The following DPYSL2 variants were observed in gnomAD, a reference collection of about 807,000 sequenced individuals.
DPYSL2 encodes the protein dihydropyrimidinase-related protein 2.
Under a neutral mutation model 69.9 loss-of-function variants are expected in DPYSL2, and 13 were observed. That is an observed-to-expected ratio of 0.19 (90% CI 0.12 to 0.30). The LOEUF is 0.30. DPYSL2 is among the 10% of genes least tolerant of loss of function. The pLI, the probability that DPYSL2 is intolerant of heterozygous loss-of-function variation, is 1.00. For missense variants in DPYSL2, 587 were observed against 918.9 expected (o/e 0.64, Z 4.67); for synonymous variants, 326 against 359.1 (o/e 0.91, Z 1.04).
chr8:26,556,132 ATAC>A (rs1563384844), intron 1 of DPYSL2, among the ~76,000 whole-genome samples: 221 of 2,980 alleles, frequency 0.074, 44 homozygotes, highest in East Asian at 0.17. Context: ...TATATTATAT[ATAC>A]TATATATAGT....
At chr8:26,559,984 C>G (rs569373977) in intron 1 of DPYSL2, among the ~76,000 whole-genome samples, 1 of 152,352 alleles carries the variant, frequency 6.6e-6, no homozygotes, top group East Asian at 1.9e-4. Context: ...GTTCCCATCT[C>G]ATTATGCTGA....
At chr8:26,559,592 G>A (rs62492720) in intron 1 of DPYSL2, among the ~76,000 whole-genome samples, 14,925 of 151,768 alleles carry the variant, frequency 0.098, 822 homozygotes, top group Non-Finnish European at 0.12. Flanking sequence ...CTTTTTTTAT[G>A]AGTGGCTGGT....
chr8:26,543,762 C>T (rs1212349353), intron 1 of DPYSL2, among the ~76,000 whole-genome samples: 1 of 152,240 alleles, frequency 6.6e-6, no homozygotes, highest in Non-Finnish European at 1.5e-5. Flanking sequence ...GCTGGGATTA[C>T]AGGCGTGAGC....
At chr8:26,634,936 G>A (rs1802873117) in intron 8 of DPYSL2, 36 bp downstream of exon 8, 4 of 1,612,468 alleles carry the variant, frequency 2.5e-6, no homozygotes, top group Non-Finnish European at 3.4e-6. Context: ...ATGGCAGGTG[G>A]GGAGGTTTGG....
intron 11 of DPYSL2, among the ~76,000 whole-genome samples, chr8:26,651,625 C>T (rs549093519): frequency 2.0e-5 from 3 of 152,324 alleles, no homozygotes; most frequent in African/African-American, 7.2e-5. Context: ...CATATGGAGA[C>T]CCCACCTATT....
At chr8:26,629,675 G>T (rs1415351658) in intron 7 of DPYSL2, among the ~76,000 whole-genome samples, 1 of 152,268 alleles carries the variant, frequency 6.6e-6, no homozygotes, top group African/African-American at 2.4e-5. Flanking sequence ...GACAGTGATT[G>T]CAGGGGACAG....
intron 1 of DPYSL2, among the ~76,000 whole-genome samples, chr8:26,552,307 A>G (rs1340292074): frequency 6.6e-6 from 1 of 152,242 alleles, no homozygotes; most frequent in Non-Finnish European, 1.5e-5. Flanking sequence ...TAATATCAAT[A>G]ATCTAAACTT....
At chr8:26,529,303 C>CT (rs767380603) in intron 1 of DPYSL2, among the ~76,000 whole-genome samples, 1,823 of 147,408 alleles carry the variant, frequency 0.012, 49 homozygotes, top group African/African-American at 0.043. Flanking sequence ...ATCTATCTAT[C>CT]ATCTATCTAT....
rs7001738 is a variant in DPYSL2, at chr8:26,598,284, T to C, written c.628+14301T>C. On this transcript the variant is annotated intron_variant, in intron 3 of 13. Coordinates refer to ENST00000521913, the MANE Select transcript of DPYSL2 (RefSeq NM_001197293.3). The surrounding 1 kb of genome is among the most constrained non-coding windows in gnomAD (Gnocchi z 4.2). ...TCGCATTACATCATCTACCTTTTCT[T>C]GTGTTCTTCTGTCGTCGAGAATCAA... Among the ~76,000 whole-genome samples the C allele has an allele frequency of 0.063, 9,606 of 152,286 alleles. 673 individuals are homozygous for C. Among genetic ancestry groups the C allele is most frequent in the African/African-American group, 0.17 (7,235 of 41,522 alleles).
Position 26,656,343 on chromosome 8 carries a change from A to C in DPYSL2, c.*637A>C, listed in dbSNP as rs563677297. The C allele has an allele frequency of 2.0e-5, 3 of 152,528 alleles. No homozygotes were observed. In the South Asian group the frequency reaches 6.2e-4, roughly 32 times the overall value. 9.4% of individuals were successfully genotyped at this position (152,528 alleles called of 1,614,324 possible). On this transcript the variant is annotated 3_prime_UTR_variant, in exon 14 of 14. Coordinates refer to ENST00000521913, the MANE Select transcript of DPYSL2 (RefSeq NM_001197293.3). Reference sequence around the variant, plus strand: ...GAGAGGCTCCACAATGCCCACCCGCATCGCCATTCTGTAGTCTTCAGGGTC... The same window carrying C: ...GAGAGGCTCCACAATGCCCACCCGCCTCGCCATTCTGTAGTCTTCAGGGTC...
chr8:26,514,281 A>AGACG lies in DPYSL2; in HGVS notation c.-31_-28dup, dbSNP rs903774152. On this transcript the variant is annotated 5_prime_UTR_variant, in exon 1 of 14. Transcript: ENST00000521913. This position sits in a 1 kb window ranked among gnomAD's most constrained non-coding sequence, Gnocchi z 8.4. The stretch of plus-strand genomic sequence containing the variant: ...CAGCGAGGGAGACTTAGGGACTGGC[A>AGACG]GACGGACGGACGGACGGCGAGGACC... 8 of 1,407,202 alleles carry AGACG rather than the reference A, an allele frequency of 5.7e-6. No homozygotes were observed. The highest frequency in any genetic ancestry group is 5.9e-5 in the Admixed American group (2 of 33,918). The allele number at this position is 1,407,202 out of a possible 1,614,324, so 87.2% of individuals were successfully genotyped here. A position where few individuals can be genotyped will look rare whatever the true frequency, so the allele number is the denominator to read the frequency against.
intron 11 of DPYSL2, among the ~76,000 whole-genome samples, chr8:26,649,777 C>T (rs565218368): frequency 6.6e-6 from 1 of 152,102 alleles, no homozygotes; most frequent in African/African-American, 2.4e-5. Flanking sequence ...TTTTAGGGAG[C>T]CTGTGTGGAT....
chr8:26,561,265 C>T (rs1342279902), intron 1 of DPYSL2, among the ~76,000 whole-genome samples: 1 of 152,166 alleles, frequency 6.6e-6, no homozygotes, highest in Non-Finnish European at 1.5e-5. Flanking sequence ...TCTCTGGCCA[C>T]TCCTGAGTCT....
intron 1 of DPYSL2, among the ~76,000 whole-genome samples, chr8:26,538,707 C>T (rs1356858894): frequency 6.6e-6 from 1 of 152,248 alleles, no homozygotes; most frequent in East Asian, 1.9e-4. Flanking sequence ...CCCACAATCA[C>T]GTGCATGCTC....
chr8:26,578,424 G>A, intron 1 of DPYSL2: 1 of 1,545,354 alleles, frequency 6.5e-7, no homozygotes, highest in South Asian at 1.2e-5. Flanking sequence ...TGCTAACGGA[G>A]GCGATGGTGA....
At chr8:26,635,652 A>C (rs1802896365) in intron 8 of DPYSL2, among the ~76,000 whole-genome samples, 1 of 151,730 alleles carries the variant, frequency 6.6e-6, no homozygotes, top group South Asian at 2.1e-4. Flanking sequence ...TCTTAGGCTG[A>C]TCTGAAATGA....
chr8:26,519,196 T>C (rs1808345188), intron 1 of DPYSL2, among the ~76,000 whole-genome samples: 1 of 152,244 alleles, frequency 6.6e-6, no homozygotes, highest in South Asian at 2.1e-4. Context: ...CCAGGGTCCT[T>C]TGATGCAAGC....
chr8:26,514,199 C>A lies in DPYSL2; in HGVS notation c.-127C>A. 1.2e-6 allele frequency: 1 copy of A among 824,136 alleles called. No homozygotes were observed. Among genetic ancestry groups the A allele is most frequent in the Non-Finnish European group, 1.7e-6 (1 of 579,886 alleles). 51.1% of individuals were successfully genotyped at this position (824,136 alleles called of 1,614,324 possible). A position where few individuals can be genotyped will look rare whatever the true frequency, so the allele number is the denominator to read the frequency against. The stretch of plus-strand genomic sequence containing the variant: ...TCGCCAGCCCTCCTTCCTTTCTGTG[C>A]ACCTTGCGGTGGGCGGCGAACGGCA... On this transcript the variant is annotated 5_prime_UTR_variant, in exon 1 of 14. Transcript: ENST00000521913. The surrounding 1 kb of genome is among the most constrained non-coding windows in gnomAD (Gnocchi z 8.4).
rs780923889 is a variant in DPYSL2, at chr8:26,627,622, T to C, written c.937-250T>C. ...TTACACCGTGGCTGAGGGTTGCAAA[T>C]GCACCAGTCGTCAGCATCCCAGGGA... On this transcript the variant is annotated intron_variant, in intron 6 of 13. Coordinates refer to ENST00000521913, the MANE Select transcript of DPYSL2 (RefSeq NM_001197293.3). The surrounding 1 kb of genome is among the most constrained non-coding windows in gnomAD (Gnocchi z 6.9). 6.6e-6 allele frequency among the ~76,000 whole-genome samples: 1 copy of C among 152,118 alleles called. No individual in the cohort carries two copies. The highest frequency in any genetic ancestry group is 2.4e-5 in the African/African-American group (1 of 41,446).
Sources: gnomAD v4.1 joint callset for allele counts (sites outside exome capture counted in the v4.1 genomes callset) on GRCh38, gnomAD v4.1.1 for gene constraint, Gnocchi (gnomAD v3.1) non-coding constraint, MANE v1.5 for transcripts, NCBI Gene and HGNC (gene_info 2026-07-23, HGNC 2026-07-21) for gene names.